Variants in TPST2 observed in about 807,000 individuals in gnomAD.
TPST2 encodes tyrosylprotein sulfotransferase 2, also known as protein-tyrosine sulfotransferase 2.
A neutral mutation model predicts 27.8 loss-of-function variants in TPST2; 16 were observed. The ratio of observed to expected loss-of-function variants is 0.58; its 90% CI spans 0.39 to 0.88. The LOEUF (loss-of-function observed/expected upper bound fraction) is 0.88, where lower values mean the gene tolerates loss of function less well. TPST2 is among the 40% of genes least tolerant of loss of function. The pLI is 0.00. For missense variants in TPST2, 464 were observed against 543.1 expected, an observed-to-expected ratio of 0.85 and a Z score of 1.45; for synonymous variants, 229 against 231.7, an observed-to-expected ratio of 0.99 and a Z score of 0.10.
chr22:26,582,609 C>T (rs80312123), intron 1 of TPST2, among the ~76,000 whole-genome samples: 42 of 152,254 alleles, frequency 2.8e-4, no homozygotes, highest in African/African-American at 9.1e-4. Context: ...ACGTAAACTC[C>T]AGGACAACTA....
chr22:26,547,957 G>A (rs1247056430), intron 1 of TPST2, among the ~76,000 whole-genome samples: 1 of 152,132 alleles, frequency 6.6e-6, no homozygotes, highest in Non-Finnish European at 1.5e-5. Context: ...TTTTTGAATT[G>A]TATGCCATAC....
At chr22:26,570,637 A>G (rs5752349) in intron 1 of TPST2, among the ~76,000 whole-genome samples, 126,765 of 151,846 alleles carry the variant, frequency 0.83, 53,117 homozygotes, top group East Asian at 1. Context: ...GTCATCTTGA[A>G]CCCAAATCTC....
chr22:26,551,333 G>C (rs1173495215), intron 1 of TPST2, among the ~76,000 whole-genome samples: 1 of 152,082 alleles, frequency 6.6e-6, no homozygotes, highest in Non-Finnish European at 1.5e-5. Context: ...CAGACTTAGA[G>C]CCCTTATTAT....
rs148806627 is a variant in TPST2 at position 26,529,001 on chromosome 22, C to CAAA, written c.1093-742_1093-740dup. 3.8e-3 allele frequency among the ~76,000 whole-genome samples: 561 copies of CAAA among 147,194 alleles called. 7 individuals are homozygous for CAAA. The highest frequency in any genetic ancestry group is 0.012 in the African/African-American group (494 of 40,166). On this transcript the variant is annotated intron_variant, in intron 5 of 6. Coordinates refer to ENST00000338754, the MANE Select transcript of TPST2 (RefSeq NM_003595.5). ...GGTATCAAAAAAACAAAAACAAAAA[C>CAAA]AAAAAAAAAACAAAACGTATCTTTT...
chr22:26,569,766 A>G lies in TPST2; in HGVS notation c.-161+20287T>C, dbSNP rs1033176379. On this transcript the variant is annotated intron_variant, in intron 1 of 6. Coordinates refer to ENST00000338754, the MANE Select transcript of TPST2 (RefSeq NM_003595.5). ...GGAGTTCAAGACCAGCCTGGCCAAC[A>G]TGGTAAAACCCTGTTTCTACTAAAA... 2.6e-5 allele frequency among the ~76,000 whole-genome samples: 4 copies of G among 152,058 alleles called. No individual in the cohort carries two copies. In the East Asian group the frequency reaches 7.7e-4, roughly 29 times the overall value.
In TPST2 at chr22:26,526,198, G is replaced by A. The variant is rs964371466; in HGVS notation, c.*77C>T. 6.6e-6 allele frequency: 1 copy of A among 152,160 alleles called. No individual in the cohort carries two copies. Among genetic ancestry groups the A allele is most frequent in the African/African-American group, 2.4e-5 (1 of 41,438 alleles). 9.4% of individuals were successfully genotyped at this position (152,160 alleles called of 1,614,324 possible). A position where few individuals can be genotyped will look rare whatever the true frequency, so the allele number is the denominator to read the frequency against. ...GCGATTAATAGCAAGCAATATGCTT[G>A]GATTAGAGGTCCGATTTCCACTTAA... is the stretch of plus-strand genomic sequence containing the variant. On this transcript the variant is annotated 3_prime_UTR_variant, in exon 7 of 7. Coordinates refer to ENST00000338754, the MANE Select transcript of TPST2 (RefSeq NM_003595.5).
intron 5 of TPST2, among the ~76,000 whole-genome samples, chr22:26,529,445 T>C (rs1383134102): frequency 2.6e-5 from 4 of 152,166 alleles, no homozygotes; most frequent in Non-Finnish European, 5.9e-5. Context: ...GTTGGAACTT[T>C]AAGCCCCACC....
chr22:26,580,890 T>C (rs1928076132), intron 1 of TPST2, among the ~76,000 whole-genome samples: 1 of 152,112 alleles, frequency 6.6e-6, no homozygotes, highest in South Asian at 2.1e-4. Flanking sequence ...CACTTCATAC[T>C]AGGCAACAGC....
chr22:26,560,445 C>G (rs1319850068), intron 1 of TPST2: 2 of 701,856 alleles, frequency 2.8e-6, no homozygotes, highest in Non-Finnish European at 5.0e-6. Flanking sequence ...GTACACTGAG[C>G]TCCACAGAGA....
intron 1 of TPST2, among the ~76,000 whole-genome samples, chr22:26,563,943 T>A (rs1437808277): frequency 1.3e-5 from 2 of 152,188 alleles, no homozygotes; most frequent in Admixed American, 1.3e-4. Flanking sequence ...TAGCTACCTG[T>A]AGGGGGTCGG....
intron 1 of TPST2, among the ~76,000 whole-genome samples, chr22:26,564,469 C>T (rs1312694182): frequency 6.6e-6 from 1 of 152,182 alleles, no homozygotes; most frequent in Non-Finnish European, 1.5e-5. Context: ...TAACAGGTAA[C>T]GCCGGAGGGC....
chr22:26,581,032 ACACACACACACACACACACACG>A (rs368841677), intron 1 of TPST2, among the ~76,000 whole-genome samples: 4,846 of 78,166 alleles, frequency 0.062, 116 homozygotes, highest in Middle Eastern at 0.15. Flanking sequence ...ACACACACAC[ACACACACACACACACACACACG>A]CACACACACA....
chr22:26,546,215 T>C (rs969724067), intron 1 of TPST2, among the ~76,000 whole-genome samples: 6 of 152,262 alleles, frequency 3.9e-5, no homozygotes, highest in Admixed American at 2.0e-4. Flanking sequence ...CCATACCATT[T>C]TCCTATTCCT....
intron 1 of TPST2, among the ~76,000 whole-genome samples, chr22:26,586,936 T>C (rs935568574): frequency 6.6e-6 from 1 of 152,146 alleles, no homozygotes; most frequent in African/African-American, 2.4e-5. Flanking sequence ...GGGGAAGATG[T>C]CTGTGTGTGC....
chr22:26,547,202 G>A (rs1359199393), intron 1 of TPST2, among the ~76,000 whole-genome samples: 1 of 152,048 alleles, frequency 6.6e-6, no homozygotes, highest in Non-Finnish European at 1.5e-5. Context: ...GATCCTCCCA[G>A]ATCCTCCCAT....
chr22:26,523,186 C>T lies in TPST2; in HGVS notation c.*3089G>A, dbSNP rs1924648335. 7.4e-6 allele frequency: 1 copy of T among 134,388 alleles called. No individual in the cohort carries two copies. The highest frequency in any genetic ancestry group is 7.4e-5 in the Admixed American group (1 of 13,444). 8.3% of individuals were successfully genotyped at this position (134,388 alleles called of 1,614,324 possible). A position where few individuals can be genotyped will look rare whatever the true frequency, so the allele number is the denominator to read the frequency against. On this transcript the variant is annotated 3_prime_UTR_variant, in exon 7 of 7. Transcript: ENST00000338754. ...CCTGAGCAACCAAGCGGGACTCTGT[C>T]TCCAAAACAAACAAACAAACAATCC...
In TPST2 at chr22:26,541,172, G is replaced by A. The variant is rs1472965653; in HGVS notation, c.459C>T (p.Arg153=). The change falls in exon 3 of 7, where the codon CGC becomes CGT. Residue 153 remains arginine, a synonymous_variant. Coordinates refer to ENST00000338754, the MANE Select transcript of TPST2 (RefSeq NM_003595.5). This position sits in a 1 kb window ranked among gnomAD's most constrained non-coding sequence, Gnocchi z 5.9. ...EVIAKHGEPA[R]VLCNKDPFTL... Reference sequence around the variant, plus strand: ...TAAATGGGTCCTTGTTGCAGAGCACGCGGGCCGGCTCTCCGTGCTTGGCAA... The same window carrying A: ...TAAATGGGTCCTTGTTGCAGAGCACACGGGCCGGCTCTCCGTGCTTGGCAA... 1.2e-5 allele frequency: 19 copies of A among 1,600,396 alleles called. No homozygotes were observed. Among genetic ancestry groups the A allele is most frequent in the Non-Finnish European group, 1.5e-5 (17 of 1,171,566 alleles).
chr22:26,583,415 C>T (rs547149143), intron 1 of TPST2, among the ~76,000 whole-genome samples: 7 of 117,986 alleles, frequency 5.9e-5, no homozygotes, highest in East Asian at 2.4e-4. Flanking sequence ...CCAGCCTGGG[C>T]GACAGAAGGA....
rs543733627 is a variant in TPST2, at chr22:26,554,875, T to C, written c.-160-10200A>G. ...ATTGCTTGAACCCAGGAGGAGGAGG[T>C]TGCAGTGAGCCAAGATGGCGCCACT... On this transcript the variant is annotated intron_variant, in intron 1 of 6. Coordinates refer to ENST00000338754, the MANE Select transcript of TPST2 (RefSeq NM_003595.5). Among the ~76,000 whole-genome samples the C allele has an allele frequency of 2.0e-5, 3 of 152,146 alleles. No individual in the cohort carries two copies. In the South Asian group the frequency reaches 6.2e-4, roughly 32 times the overall value.
Sources: gnomAD v4.1 joint callset for allele counts (sites outside exome capture counted in the v4.1 genomes callset) on GRCh38, gnomAD v4.1.1 for gene constraint, Gnocchi (gnomAD v3.1) non-coding constraint, MANE v1.5 for transcripts, NCBI Gene and HGNC (gene_info 2026-07-23, HGNC 2026-07-21) for gene names.